The following TNRC6C variants were observed in gnomAD, a reference collection of about 807,000 sequenced individuals.
The protein encoded by TNRC6C is trinucleotide repeat-containing gene 6C protein.
In TNRC6C, 20 loss-of-function variants were observed where a neutral mutation model predicts 153.7. The ratio of observed to expected loss-of-function variants is 0.13; its 90% CI spans 0.09 to 0.19. The LOEUF is 0.19. Among genes scored for constraint, TNRC6C ranks in the 10% least tolerant of loss-of-function variants. The pLI is 1.00. For synonymous variants in TNRC6C, 811 were observed against 841.4 expected (o/e 0.96, Z 0.63); for missense variants, 1,987 against 2,172.0 (o/e 0.91, Z 1.69).
chr17:78,043,216 G>A (rs1461755452), intron 2 of TNRC6C, among the ~76,000 whole-genome samples: 1 of 152,080 alleles, frequency 6.6e-6, no homozygotes, highest in African/African-American at 2.4e-5. Flanking sequence ...AAACTTCAGT[G>A]GGCTGGGCTG....
rs1179462374 is a variant in TNRC6C at position 77,992,526 on chromosome 17, C to T, written c.-37-11644C>T. Among the ~76,000 whole-genome samples, 5 of 150,848 alleles carry T rather than the reference C, an allele frequency of 3.3e-5. 1 individual carries two copies. The highest frequency in any genetic ancestry group is 6.6e-5 in the Admixed American group (1 of 15,156). ...AAAAAAAAAAAAAAAAAAGATTAAG[C>T]AAAACCACTGGGAACGTTCACACTT... is the stretch of plus-strand genomic sequence containing the variant. On this transcript the variant is annotated intron_variant, in intron 1 of 22. Coordinates refer to the TNRC6C transcript ENST00000636222.
intron 9 of TNRC6C, chr17:78,077,545 A>G: frequency 1.5e-6 from 1 of 655,932 alleles, no homozygotes; most frequent in South Asian, 2.0e-5. Context: ...ATTTATTCTT[A>G]CACTTAACTA....
chr17:78,088,840 C>G (rs2073343994), intron 13 of TNRC6C, among the ~76,000 whole-genome samples: 1 of 151,742 alleles, frequency 6.6e-6, no homozygotes, highest in Non-Finnish European at 1.5e-5. Context: ...TATGTAAGTG[C>G]TTCTGTTTTA....
chr17:78,051,854 G>A (rs1406425251), intron 3 of TNRC6C, among the ~76,000 whole-genome samples: 3 of 152,176 alleles, frequency 2.0e-5, no homozygotes, highest in African/African-American at 7.2e-5. Flanking sequence ...GACTGTGTCA[G>A]TTCACTGACA....
rs1388567758 is a variant in TNRC6C, at chr17:78,085,822, A to G, written c.3478-681A>G. On this transcript the variant is annotated intron_variant, in intron 11 of 19. Transcript: ENST00000301624. The stretch of plus-strand genomic sequence containing the variant: ...GTCCTGGACTTCAGTCTCCATCATT[A>G]TAGAATAGGTTGGTTTTTTGTTTTT... Among the ~76,000 whole-genome samples the G allele has an allele frequency of 1.3e-5, 2 of 150,064 alleles. 1 individual carries two copies. The highest frequency in any genetic ancestry group is 3.9e-4 in the East Asian group (2 of 5,088).
Position 78,075,512 on chromosome 17 carries a change from A to G in TNRC6C, c.3060+234A>G, listed in dbSNP as rs2073068975. ...GGATTGAAAACTGATTTTCATATTT[A>G]TTGTGTGAACTTGGCTGGTTATCTG... On this transcript the variant is annotated intron_variant, in intron 8 of 19. Transcript: ENST00000301624. The surrounding 1 kb of genome is among the most constrained non-coding windows in gnomAD (Gnocchi z 4.2). The G allele has an allele frequency of 3.6e-6, 2 of 552,474 alleles. No homozygotes were observed. The highest frequency in any genetic ancestry group is 3.3e-5 in the Admixed American group (1 of 30,444). The allele number at this position is 552,474 out of a possible 1,614,324, so 34.2% of individuals were successfully genotyped here.
chr17:77,995,008 A>G (rs1338738965), intron 1 of TNRC6C, among the ~76,000 whole-genome samples: 1 of 152,226 alleles, frequency 6.6e-6, no homozygotes, highest in East Asian at 1.9e-4. Context: ...CAGCCAAGAG[A>G]GAGAAACCAT....
chr17:78,019,065 A>G (rs1237010327), intron 1 of TNRC6C, among the ~76,000 whole-genome samples: 1 of 152,212 alleles, frequency 6.6e-6, no homozygotes, highest in East Asian at 1.9e-4. Context: ...ATACAGAAGT[A>G]TGGATAGCAA....
rs141873668 is a variant in TNRC6C, at chr17:78,048,597, G to A, written c.-218-248G>A. Among the ~76,000 whole-genome samples, 1,305 of 152,332 alleles carry A rather than the reference G, an allele frequency of 8.6e-3. 10 individuals carry two copies. Among genetic ancestry groups the A allele is most frequent in the Admixed American group, 0.013 (199 of 15,302 alleles). On this transcript the variant is annotated intron_variant, in intron 2 of 19. Coordinates refer to ENST00000301624, the Ensembl canonical transcript of TNRC6C. ...GCTGATGTGCTAACGTGCATTGTGA[G>A]TATTCTCCAGGGGGAATAATAGTAC...
At chr17:78,072,215 G>A (rs2073010920) in intron 6 of TNRC6C, among the ~76,000 whole-genome samples, 1 of 152,200 alleles carries the variant, frequency 6.6e-6, no homozygotes, top group Admixed American at 6.5e-5. Context: ...GAGGTTGACG[G>A]TGGCTTCAGC....
chr17:78,022,292 A>G (rs555718163), intron 1 of TNRC6C, among the ~76,000 whole-genome samples: 1 of 152,340 alleles, frequency 6.6e-6, no homozygotes, highest in African/African-American at 2.4e-5. Flanking sequence ...TATAAGATTG[A>G]CTACACATAA....
chr17:78,061,039 G>A (rs2144147495), intron 3 of TNRC6C, among the ~76,000 whole-genome samples: 1 of 152,168 alleles, frequency 6.6e-6, no homozygotes, highest in Middle Eastern at 3.4e-3. Context: ...GATGAAGAAT[G>A]TATATTTTAA....
intron 2 of TNRC6C, among the ~76,000 whole-genome samples, chr17:78,032,406 G>A (rs2072094273): frequency 6.6e-6 from 1 of 152,192 alleles, no homozygotes; most frequent in Non-Finnish European, 1.5e-5. Flanking sequence ...TTGCTTTCCA[G>A]CTGCCAAAAT....
intron 6 of TNRC6C, 86 bp from the exon 9 acceptor site, chr17:78,072,951 C>T (rs1463255989): frequency 5.1e-6 from 5 of 974,820 alleles, no homozygotes; most frequent in Non-Finnish European, 6.2e-6. Context: ...ATAACTATGT[C>T]TTTAAGTTGA....
chr17:77,982,861 A>G (rs2071100859), intron 1 of TNRC6C, among the ~76,000 whole-genome samples: 1 of 152,220 alleles, frequency 6.6e-6, no homozygotes, highest in Non-Finnish European at 1.5e-5. Context: ...AACAAGTAGT[A>G]AGATGGTTAA....
intron 4 of TNRC6C, chr17:78,066,424 C>T (rs1199441075): frequency 2.6e-5 from 4 of 151,822 alleles, no homozygotes; most frequent in Non-Finnish European, 5.9e-5. Flanking sequence ...TCAAAGTATT[C>T]CATTTATATT....
chr17:78,077,627 G>T, intron 9 of TNRC6C: 1 of 428,298 alleles, frequency 2.3e-6, no homozygotes, highest in Non-Finnish European at 4.2e-6. Flanking sequence ...GTTGCACAGT[G>T]GTCTTCGGCT....
rs542008492 is a variant in TNRC6C, at chr17:78,108,627, C to T, written c.*3782C>T. The T allele has an allele frequency of 9.7e-5, 15 of 154,900 alleles. No homozygotes were observed. In the South Asian group the frequency reaches 2.9e-3, roughly 29 times the overall value. 9.6% of individuals were successfully genotyped at this position (154,900 alleles called of 1,614,324 possible). A position where few individuals can be genotyped will look rare whatever the true frequency, so the allele number is the denominator to read the frequency against. On this transcript the variant is annotated 3_prime_UTR_variant, in exon 20 of 20. Coordinates refer to ENST00000301624, the Ensembl canonical transcript of TNRC6C. ...GTTGGATTTTGACAGACTGGGAACT[C>T]GGGGGACAGGAGGGCAGCACAGTGT... is the stretch of plus-strand genomic sequence containing the variant.
At chr17:78,080,714 G>T (rs954632010) in intron 10 of TNRC6C, among the ~76,000 whole-genome samples, 1 of 152,158 alleles carries the variant, frequency 6.6e-6, no homozygotes, top group African/African-American at 2.4e-5. Context: ...ATTCTGGTGT[G>T]AAGGTTGACT....
Sources: gnomAD v4.1 joint callset for allele counts (sites outside exome capture counted in the v4.1 genomes callset) on GRCh38, gnomAD v4.1.1 for gene constraint, Gnocchi (gnomAD v3.1) non-coding constraint, MANE v1.5 for transcripts, NCBI Gene and HGNC (gene_info 2026-07-23, HGNC 2026-07-21) for gene names.